The following ANKRD30BL variants were observed in gnomAD, a reference collection of about 807,000 sequenced individuals.
The protein encoded by ANKRD30BL is putative ankyrin repeat domain-containing protein 30B-like.
Under a neutral mutation model 18.4 loss-of-function variants are expected in ANKRD30BL, and 20 were observed. The observed-to-expected ratio is 1.09, with a 90% CI of 0.77 to 1.58. The LOEUF (loss-of-function observed/expected upper bound fraction) is 1.58. Ranked by LOEUF, ANKRD30BL falls within the 40% of genes most tolerant of loss-of-function variation. The pLI, the probability that ANKRD30BL is intolerant of heterozygous loss-of-function variation, is 0.00. For synonymous variants in ANKRD30BL, 72 were observed against 100.9 expected (o/e 0.71, Z 1.72); for missense variants, 224 against 268.6 (o/e 0.83, Z 1.16).
At chr2:132,163,240 C>T (rs2104935138), upstream of ANKRD30BL, among the ~76,000 whole-genome samples, 1 of 152,210 alleles carries the variant, frequency 6.6e-6, no homozygotes, top group African/African-American at 2.4e-5. Flanking sequence ...CACTTGATCC[C>T]AGGAGTTTGA....
chr2:132,197,481 G>T (rs1678991890), intron 1 of ANKRD30BL, among the ~76,000 whole-genome samples: 1 of 151,560 alleles, frequency 6.6e-6, no homozygotes, highest in South Asian at 2.1e-4. Flanking sequence ...TTACTTTTCT[G>T]TTATTAATTT....
chr2:132,176,862 C>T (rs1688375036), intron 1 of ANKRD30BL, among the ~76,000 whole-genome samples: 1 of 152,132 alleles, frequency 6.6e-6, no homozygotes, highest in Non-Finnish European at 1.5e-5. Flanking sequence ...AAATGGTATC[C>T]TTTCACTCTT....
At chr2:132,255,646 G>A (rs1426070278) in intron 1 of ANKRD30BL, among the ~76,000 whole-genome samples, 1 of 152,046 alleles carries the variant, frequency 6.6e-6, no homozygotes, top group Admixed American at 6.6e-5. Flanking sequence ...CCAATTACAG[G>A]GCCTAGAAAG....
exon 1 of ANKRD30BL, chr2:132,257,956 C>G (rs757962982): frequency 1.3e-5 from 2 of 153,430 alleles, no homozygotes; most frequent in East Asian, 3.8e-4. Context: ...GGCCGGCCGG[C>G]GCACGCGTCA....
upstream of ANKRD30BL, among the ~76,000 whole-genome samples, chr2:132,162,226 C>T (rs1391368692): frequency 6.6e-5 from 10 of 152,254 alleles, no homozygotes; most frequent in South Asian, 1.9e-3. Flanking sequence ...CGTCGGTTCC[C>T]GGCCTCTTGC....
intron 1 of ANKRD30BL, among the ~76,000 whole-genome samples, chr2:132,167,478 A>T (rs1303202496): frequency 3.3e-5 from 5 of 152,072 alleles, no homozygotes; most frequent in African/African-American, 1.2e-4. Flanking sequence ...GTGTGCCACA[A>T]CACCCAGCTA....
At chr2:132,233,841 A>C (rs1680083004) in intron 1 of ANKRD30BL, among the ~76,000 whole-genome samples, 1 of 151,664 alleles carries the variant, frequency 6.6e-6, no homozygotes, top group Admixed American at 6.6e-5. Context: ...TGGACCTAAT[A>C]GACATCTACA....
chr2:132,153,285 A>G (rs185099514), intron 4 of ANKRD30BL, among the ~76,000 whole-genome samples: 1 of 152,334 alleles, frequency 6.6e-6, no homozygotes, highest in Non-Finnish European at 1.5e-5. Flanking sequence ...TTTCTGCTTA[A>G]AGTGGACTTT....
At chr2:132,211,695 C>T (rs140377758) in intron 1 of ANKRD30BL, among the ~76,000 whole-genome samples, 2 of 142,048 alleles carry the variant, frequency 1.4e-5, no homozygotes, top group East Asian at 2.1e-4. Context: ...TGCAAGTGGA[C>T]ATTTGGAGCT....
At chr2:132,224,048 T>C (rs1252631788) in intron 1 of ANKRD30BL, among the ~76,000 whole-genome samples, 4 of 152,122 alleles carry the variant, frequency 2.6e-5, no homozygotes, top group African/African-American at 9.6e-5. Context: ...TTTCTTTTGA[T>C]AGGGCAGGGT....
chr2:132,170,588 T>A (rs908355594), intron 1 of ANKRD30BL, among the ~76,000 whole-genome samples: 1 of 152,232 alleles, frequency 6.6e-6, no homozygotes, highest in African/African-American at 2.4e-5. Context: ...TAATTGGACA[T>A]CCAAGGTCAT....
At chr2:132,205,614 GAAAAAAGA>G (rs1195799004) in intron 1 of ANKRD30BL, among the ~76,000 whole-genome samples, 2 of 118,050 alleles carry the variant, frequency 1.7e-5, no homozygotes, top group East Asian at 5.0e-4. Context: ...AAAAAAAAAA[GAAAAAAGA>G]AAAAAAGAAA....
chr2:132,216,208 A>G (rs1679494280), intron 1 of ANKRD30BL, among the ~76,000 whole-genome samples: 2 of 151,986 alleles, frequency 1.3e-5, no homozygotes, highest in Admixed American at 1.3e-4. Context: ...AGACAGAAGA[A>G]TTCTGACAAA....
chr2:132,198,200 A>AT, intron 1 of ANKRD30BL, among the ~76,000 whole-genome samples: 1 of 149,136 alleles, frequency 6.7e-6, no homozygotes, highest in African/African-American at 2.5e-5. Context: ...TATTATTTTC[A>AT]TTTTTCTTGT....
At chr2:132,248,152 T>C (rs1680551432) in intron 1 of ANKRD30BL, among the ~76,000 whole-genome samples, 1 of 152,130 alleles carries the variant, frequency 6.6e-6, no homozygotes, top group South Asian at 2.1e-4. Flanking sequence ...CCGTTGCAGA[T>C]TGTACAAAAA....
In ANKRD30BL at chr2:132,234,194, G is replaced by A. The variant is rs1680092645; in HGVS notation, n.441+23335C>T. 5.3e-5 allele frequency among the ~76,000 whole-genome samples: 8 copies of A among 152,150 alleles called. No individual in the cohort carries two copies. In the South Asian group the frequency reaches 1.2e-3, roughly 24 times the overall value. ...TGGGACACATTCAAAGCAGGGTGTA[G>A]AGGGAAATTTATAGCACTAAATGCC... On this transcript the variant is annotated intron_variant and non_coding_transcript_variant, in intron 1 of 4. Coordinates refer to the ANKRD30BL transcript ENST00000470729.
intron 1 of ANKRD30BL, among the ~76,000 whole-genome samples, chr2:132,198,914 G>A (rs1216322008): frequency 6.6e-6 from 1 of 152,102 alleles, no homozygotes; most frequent in Non-Finnish European, 1.5e-5. Flanking sequence ...CACTGTGCCC[G>A]GCCCAGTCCT....
At chr2:132,235,400 C>T (rs1314567244) in intron 1 of ANKRD30BL, among the ~76,000 whole-genome samples, 3 of 152,092 alleles carry the variant, frequency 2.0e-5, no homozygotes, top group African/African-American at 7.2e-5. Context: ...GTCAAATTGT[C>T]CCTGTTTGCA....
At chr2:132,182,283 C>T (rs1227646870) in intron 1 of ANKRD30BL, among the ~76,000 whole-genome samples, 1 of 151,752 alleles carries the variant, frequency 6.6e-6, no homozygotes, top group African/African-American at 2.4e-5. Context: ...GAGATCCATA[C>T]CATCCTGTCT....
Sources: gnomAD v4.1 joint callset for allele counts (sites outside exome capture counted in the v4.1 genomes callset) on GRCh38, gnomAD v4.1.1 for gene constraint, MANE v1.5 for transcripts, NCBI Gene and HGNC (gene_info 2026-07-23, HGNC 2026-07-21) for gene names.